Variants in ELF2 observed in about 807,000 individuals in gnomAD.
The protein encoded by ELF2 is E74 like ETS transcription factor 2.
In ELF2, 11 loss-of-function variants were observed where a neutral mutation model predicts 54.8. That is an observed-to-expected ratio of 0.20 (90% confidence interval 0.13 to 0.33). The LOEUF (loss-of-function observed/expected upper bound fraction) is 0.33, where lower values mean the gene tolerates loss of function less well. Among genes scored for constraint, ELF2 ranks in the 10% least tolerant of loss-of-function variants. ELF2 has a pLI of 1.00. For synonymous variants in ELF2, 203 were observed against 245.1 expected, an observed-to-expected ratio of 0.83 and a Z score of 1.61; for missense variants, 513 against 703.0, an observed-to-expected ratio of 0.73 and a Z score of 3.06.
At chr4:139,076,611 C>T (rs1730350204) in intron 4 of ELF2, among the ~76,000 whole-genome samples, 1 of 151,930 alleles carries the variant, frequency 6.6e-6, no homozygotes, top group Admixed American at 6.6e-5. Flanking sequence ...AAAACTTTAC[C>T]ATATTAAAAT....
At chr4:139,145,058 TC>T (rs1268447112) in intron 1 of ELF2, among the ~76,000 whole-genome samples, 1 of 152,152 alleles carries the variant, frequency 6.6e-6, no homozygotes, top group Non-Finnish European at 1.5e-5. Flanking sequence ...AAGCACCACC[TC>T]CTGGCTGGAG....
intron 3 of ELF2, among the ~76,000 whole-genome samples, chr4:139,127,109 T>G (rs1364745427): frequency 6.6e-6 from 1 of 152,208 alleles, no homozygotes; most frequent in Non-Finnish European, 1.5e-5. Flanking sequence ...GACATTTGGC[T>G]TACCTTCATG....
intron 1 of ELF2, among the ~76,000 whole-genome samples, chr4:139,149,530 C>G (rs543060180): frequency 6.6e-6 from 1 of 152,312 alleles, no homozygotes; most frequent in Non-Finnish European, 1.5e-5. Flanking sequence ...AGGCAAATCA[C>G]TTGAATCCAG....
chr4:139,137,409 G>A, intron 3 of ELF2: 1 of 581,218 alleles, frequency 1.7e-6, no homozygotes, highest in Non-Finnish European at 3.0e-6. Context: ...CTCCCTCCAA[G>A]TTCATTCTAA....
chr4:139,059,055 A>C lies in ELF2; in HGVS notation c.1710T>G (p.Val570=). 6.2e-7 allele frequency: 1 copy of C among 1,613,978 alleles called. No homozygotes were observed. Residue 570 remains valine (V), a synonymous_variant, in exon 10 of 10, where the codon GTT becomes GTG. Transcript: ENST00000686138. The part of the protein sequence containing the change: ...DGNKTVTHVV[V]VSAPSAIALP... Reference sequence around the variant, plus strand: ...GGGCAATAGCTGAAGGCGCACTGACAACCACTACGTGGGTCACTGTCTTAT... The same window carrying C: ...GGGCAATAGCTGAAGGCGCACTGACCACCACTACGTGGGTCACTGTCTTAT...
At chr4:139,152,931 T>C (rs1467212277) in intron 1 of ELF2, among the ~76,000 whole-genome samples, 4 of 145,778 alleles carry the variant, frequency 2.7e-5, no homozygotes, top group African/African-American at 7.7e-5. Flanking sequence ...AGTCTTGGTC[T>C]GTCGCCCAGG....
intron 4 of ELF2, among the ~76,000 whole-genome samples, chr4:139,100,961 T>C (rs940216591): frequency 2.0e-5 from 3 of 152,180 alleles, no homozygotes; most frequent in Non-Finnish European, 4.4e-5. Flanking sequence ...ACTAGCCTAG[T>C]AGCAATGAAG....
intron 1 of ELF2, among the ~76,000 whole-genome samples, chr4:139,143,466 C>T (rs1255723682): frequency 3.3e-5 from 5 of 152,142 alleles, no homozygotes; most frequent in African/African-American, 1.2e-4. Context: ...TCTTTTTCCC[C>T]TTTTGAGAGC....
intron 1 of ELF2, among the ~76,000 whole-genome samples, chr4:139,175,786 G>C (rs538389417): frequency 6.6e-6 from 1 of 152,264 alleles, no homozygotes; most frequent in East Asian, 1.9e-4. Context: ...ACAAGAAAGG[G>C]GGGAATTTTT....
At chr4:139,087,747 G>A (rs890974854) in intron 4 of ELF2, among the ~76,000 whole-genome samples, 1 of 152,160 alleles carries the variant, frequency 6.6e-6, no homozygotes, top group South Asian at 2.1e-4. Flanking sequence ...TTACAGGCGT[G>A]AGTCACCACG....
intron 1 of ELF2, among the ~76,000 whole-genome samples, chr4:139,166,847 G>GA (rs1412938189): frequency 6.6e-6 from 1 of 152,170 alleles, no homozygotes; most frequent in Non-Finnish European, 1.5e-5. Context: ...CAGCCTGGGC[G>GA]AGAGTGTGAG....
intron 1 of ELF2, among the ~76,000 whole-genome samples, chr4:139,172,278 T>C (rs1274883142): frequency 6.6e-6 from 1 of 152,246 alleles, no homozygotes; most frequent in Non-Finnish European, 1.5e-5. Flanking sequence ...ACAGCTTTAC[T>C]TTGCAGTTTC....
chr4:139,063,164 A>T (rs1209152951), intron 7 of ELF2, among the ~76,000 whole-genome samples: 1 of 152,188 alleles, frequency 6.6e-6, no homozygotes, highest in Non-Finnish European at 1.5e-5. Context: ...AGGCTGAGGC[A>T]TGAGAATCGC....
At chr4:139,172,788 G>T (rs1291489702) in intron 1 of ELF2, among the ~76,000 whole-genome samples, 1 of 139,228 alleles carries the variant, frequency 7.2e-6, no homozygotes, top group Non-Finnish European at 1.5e-5. Flanking sequence ...TTTATCCTAG[G>T]TATACAGATA....
intron 4 of ELF2, chr4:139,084,362 C>T (rs1012240667): frequency 1.3e-6 from 2 of 1,482,088 alleles, no homozygotes; most frequent in African/African-American, 1.4e-5. Flanking sequence ...GACAGGAAGC[C>T]GAGGCCGGCC....
Position 139,059,010 on chromosome 4 carries a change from T to G in ELF2, c.1755A>C (p.Thr585=), listed in dbSNP as rs1313507672. 6.2e-7 allele frequency: 1 copy of G among 1,612,918 alleles called. No homozygotes were observed. The highest frequency in any genetic ancestry group is 2.2e-5 in the East Asian group (1 of 44,882). The change falls in exon 10 of 10, where the codon ACA becomes ACC. Residue 585 remains threonine, a synonymous_variant. Transcript: ENST00000686138. ...ATTTCTCACATGTCACTAGTCCTTC[T>G]GTTTTCATAGTTACAGGAAGGGCAA... ...SAIALPVTMK[T]EGLVTCEK is the part of the protein sequence containing the mutation.
chr4:139,093,638 C>T (rs963827621), intron 4 of ELF2, among the ~76,000 whole-genome samples: 2 of 152,184 alleles, frequency 1.3e-5, no homozygotes. Context: ...CATCAACTGA[C>T]CATATTAATA....
rs193109072 is a variant in ELF2 at position 139,105,060 on chromosome 4, T to G, written c.238+20104A>C. 1.1e-3 allele frequency among the ~76,000 whole-genome samples: 162 copies of G among 152,332 alleles called. 1 individual carries two copies. The highest frequency in any genetic ancestry group is 3.7e-3 in the African/African-American group (155 of 41,572). ...GGCAGTAATATAGGTAATGTGTACA[T>G]GATAAATGTTAAGATTACCAATTAA... On this transcript the variant is annotated intron_variant, in intron 4 of 9. Transcript: ENST00000686138.
At chr4:139,122,887 TA>T (rs1402181323) in intron 4 of ELF2, among the ~76,000 whole-genome samples, 1 of 151,620 alleles carries the variant, frequency 6.6e-6, no homozygotes, top group Non-Finnish European at 1.5e-5. Flanking sequence ...AAAGTTACAT[TA>T]AAATCCATGA....
Sources: allele counts gnomAD v4.1 joint callset (sites outside exome capture counted in the v4.1 genomes callset), GRCh38; gene constraint gnomAD v4.1.1; transcripts MANE v1.5; gene names NCBI Gene and HGNC (gene_info 2026-07-23, HGNC 2026-07-21).